NRG1: variants seen among roughly 807,000 people sequenced by gnomAD.
The protein encoded by NRG1 is pro-neuregulin-1, membrane-bound isoform.
Under a neutral mutation model 63.8 loss-of-function variants are expected in NRG1, and 18 were observed. The ratio of observed to expected loss-of-function variants is 0.28; its 90% confidence interval spans 0.19 to 0.42. The LOEUF (loss-of-function observed/expected upper bound fraction) is 0.42. Among genes scored for constraint, NRG1 ranks in the 10% least tolerant of loss-of-function variants. NRG1 has a pLI of 1.00. For synonymous variants in NRG1, 302 were observed against 301.3 expected, an observed-to-expected ratio of 1.00 and a Z score of -0.02; for missense variants, 762 against 814.7, an observed-to-expected ratio of 0.94 and a Z score of 0.79.
At chr8:32,707,003 A>AT (rs1173943560) in intron 5 of NRG1, among the ~76,000 whole-genome samples, 7 of 152,056 alleles carry the variant, frequency 4.6e-5, no homozygotes, top group Non-Finnish European at 4.4e-5. Flanking sequence ...CAGTTTATTT[A>AT]TTTTTTTAAT....
chr8:32,499,979 GA>G (rs1259207645), intron 1 of NRG1, among the ~76,000 whole-genome samples: 1 of 152,102 alleles, frequency 6.6e-6, no homozygotes, highest in Non-Finnish European at 1.5e-5. Context: ...ATAAAGGGGG[GA>G]AATATCTCAA....
At chr8:31,958,272 A>G (rs1392917641) in intron 1 of NRG1, among the ~76,000 whole-genome samples, 1 of 152,214 alleles carries the variant, frequency 6.6e-6, no homozygotes, top group Non-Finnish European at 1.5e-5. Flanking sequence ...CAAAATTAAA[A>G]GACTAAAATA....
intron 1 of NRG1, among the ~76,000 whole-genome samples, chr8:32,529,898 A>G (rs1831265791): frequency 6.6e-6 from 1 of 152,214 alleles, no homozygotes; most frequent in Non-Finnish European, 1.5e-5. Context: ...TAAAAGAACA[A>G]TAAAAAGGAT....
chr8:32,599,375 A>G (rs1463440699), intron 2 of NRG1, among the ~76,000 whole-genome samples: 1 of 151,952 alleles, frequency 6.6e-6, no homozygotes, highest in Non-Finnish European at 1.5e-5. Context: ...TCTTTTTCAC[A>G]CTTCTTATAA....
At chr8:32,126,882 C>T (rs1437782405) in intron 1 of NRG1, among the ~76,000 whole-genome samples, 4 of 151,840 alleles carry the variant, frequency 2.6e-5, no homozygotes, top group South Asian at 4.1e-4. Flanking sequence ...TGTAGAAGAG[C>T]TTCTCAACTG....
At chr8:32,204,215 T>C (rs930924766) in intron 1 of NRG1, among the ~76,000 whole-genome samples, 5 of 152,196 alleles carry the variant, frequency 3.3e-5, no homozygotes, top group African/African-American at 9.7e-5. Flanking sequence ...CCAGATTGTG[T>C]TGGGCTTTGC....
intron 1 of NRG1, among the ~76,000 whole-genome samples, chr8:32,386,934 A>G (rs1022409167): frequency 2.0e-5 from 3 of 152,146 alleles, no homozygotes; most frequent in African/African-American, 7.2e-5. Context: ...CAAGAAGCCA[A>G]TGATGTCCTT....
In NRG1 at chr8:31,640,281, G is replaced by T; in HGVS notation, c.37+850G>T. 1 of 1,133,704 alleles carries T rather than the reference G, an allele frequency of 8.8e-7. No individual in the cohort carries two copies. Among genetic ancestry groups the T allele is most frequent in the Non-Finnish European group, 1.1e-6 (1 of 925,414 alleles). The allele number at this position is 1,133,704 out of a possible 1,614,324, so 70.2% of individuals were successfully genotyped here. A position where few individuals can be genotyped will look rare whatever the true frequency, so the allele number is the denominator to read the frequency against. ...GGCGGCAGCAGGGGGCACTCGACAG[G>T]AAGGCGGCGGCGGCGGCGGGCGAGG... On this transcript the variant is annotated intron_variant, in intron 1 of 10. Transcript: ENST00000519301. The surrounding 1 kb of genome is among the most constrained non-coding windows in gnomAD (Gnocchi z 6.3).
intron 1 of NRG1, among the ~76,000 whole-genome samples, chr8:32,005,940 T>C (rs1030023251): frequency 1.3e-5 from 2 of 152,036 alleles, no homozygotes; most frequent in African/African-American, 4.8e-5. Context: ...TTTGTTCTAG[T>C]TATTTTCCTT....
intron 1 of NRG1, among the ~76,000 whole-genome samples, chr8:32,477,654 G>C (rs16879461): frequency 0.012 from 1,844 of 152,248 alleles, 41 homozygotes; most frequent in African/African-American, 0.042. Context: ...AACTTTTAAT[G>C]ACTTTTGGAA....
chr8:32,584,344 G>C (rs893813090), intron 1 of NRG1, among the ~76,000 whole-genome samples: 1 of 152,184 alleles, frequency 6.6e-6, no homozygotes, highest in South Asian at 2.1e-4. Flanking sequence ...CTGTGGGGTA[G>C]AAGTAAAATG....
At chr8:32,517,750 T>C (rs1220458529) in intron 1 of NRG1, among the ~76,000 whole-genome samples, 1 of 152,194 alleles carries the variant, frequency 6.6e-6, no homozygotes, top group Admixed American at 6.6e-5. Flanking sequence ...ATATGTCATG[T>C]ATGGGACTGG....
At chr8:32,608,092 G>GTTTTTTTTTTTTTTTTTT (rs1226154193) in intron 3 of NRG1, among the ~76,000 whole-genome samples, 5 of 106,154 alleles carry the variant, frequency 4.7e-5, no homozygotes, top group African/African-American at 1.7e-4. Flanking sequence ...GGTTTTTTTT[G>GTTTTTTTTTTTTTTTTTT]TTTTTTTTTT....
chr8:32,289,720 A>T (rs1853966860), intron 1 of NRG1, among the ~76,000 whole-genome samples: 1 of 152,190 alleles, frequency 6.6e-6, no homozygotes, highest in Non-Finnish European at 1.5e-5. Context: ...TAACTTAACA[A>T]ATGAGATACT....
chr8:32,140,488 G>T (rs1836106343), intron 1 of NRG1, among the ~76,000 whole-genome samples: 1 of 149,752 alleles, frequency 6.7e-6, no homozygotes, highest in Admixed American at 6.7e-5. Flanking sequence ...TCTGAGAAAA[G>T]ACCTCACTCT....
chr8:32,420,667 T>C (rs1465137452), intron 1 of NRG1, among the ~76,000 whole-genome samples: 1 of 152,160 alleles, frequency 6.6e-6, no homozygotes, highest in African/African-American at 2.4e-5. Flanking sequence ...ATTTTTGCTC[T>C]CATAACAGTG....
intron 5 of NRG1, among the ~76,000 whole-genome samples, chr8:32,714,100 C>G (rs932000087): frequency 3.3e-5 from 5 of 152,124 alleles, no homozygotes; most frequent in African/African-American, 1.2e-4. Context: ...GCTGGGATTA[C>G]AAGTGTGAGC....
chr8:31,824,219 C>T (rs1483599254), intron 1 of NRG1, among the ~76,000 whole-genome samples: 2 of 139,722 alleles, frequency 1.4e-5, no homozygotes, highest in East Asian at 2.2e-4. Flanking sequence ...GTTCCCCTTC[C>T]TGTGTCCAAG....
chr8:32,317,440 G>A (rs972593173), intron 1 of NRG1, among the ~76,000 whole-genome samples: 11 of 152,134 alleles, frequency 7.2e-5, no homozygotes, highest in African/African-American at 1.2e-4. Flanking sequence ...AAACAAAGCC[G>A]AGGAAGAAGA....
Sources: allele counts gnomAD v4.1 joint callset (sites outside exome capture counted in the v4.1 genomes callset), GRCh38; gene constraint gnomAD v4.1.1; non-coding constraint Gnocchi (gnomAD v3.1); transcripts MANE v1.5; gene names NCBI Gene and HGNC (gene_info 2026-07-23, HGNC 2026-07-21).